The following CAMK1D variants were observed in gnomAD, a reference collection of about 807,000 sequenced individuals.
The protein encoded by CAMK1D is calcium/calmodulin dependent protein kinase ID.
In CAMK1D, 9 loss-of-function variants were observed where a neutral mutation model predicts 47.7. The observed-to-expected ratio is 0.19, with a 90% CI of 0.11 to 0.33. CAMK1D has a LOEUF of 0.33. Among genes scored for constraint, CAMK1D ranks in the 10% least tolerant of loss-of-function variants. The probability of loss-of-function intolerance (pLI) is 1.00; values close to 1 mark genes in which losing one functional copy is unlikely to be tolerated. For missense variants in CAMK1D, 291 were observed against 488.7 expected (o/e 0.60, Z 3.81); for synonymous variants, 184 against 184.9 (o/e 0.99, Z 0.04).
At position 12,553,088 on chromosome 10, in the gene CAMK1D, G is replaced by A. The variant is rs529025297; in HGVS notation, c.93-137G>A. The stretch of plus-strand genomic sequence containing the variant: ...ACAAAGATGTTTAGCAAGGAGCCAC[G>A]GTGGATAAAAGTAACAGTAATGCTT... On this transcript the variant is annotated intron_variant, in intron 1 of 10. Coordinates refer to ENST00000619168, the MANE Select transcript of CAMK1D (RefSeq NM_153498.4). The A allele has an allele frequency of 6.7e-5, 101 of 1,499,488 alleles. No individual in the cohort carries two copies. In the African/African-American group the frequency reaches 1.1e-3, roughly 16 times the overall value. The allele number at this position is 1,499,488 out of a possible 1,614,324, so 92.9% of individuals were successfully genotyped here.
Position 12,547,682 on chromosome 10 carries a change from T to TCTCTCTCTCACACACACACACACACA in CAMK1D, c.93-5542_93-5541insTCTCTCTCACACACACACACACACAC, listed in dbSNP as rs10643491. Among the ~76,000 whole-genome samples, 138 of 116,574 alleles carry TCTCTCTCTCACACACACACACACACA rather than the reference T, an allele frequency of 1.2e-3. 1 individual carries two copies. The highest frequency in any genetic ancestry group is 5.0e-3 in the African/African-American group (135 of 26,920). 76.5% of individuals were successfully genotyped at this position (116,574 alleles called of 152,430 possible). A position where few individuals can be genotyped will look rare whatever the true frequency, so the allele number is the denominator to read the frequency against. On this transcript the variant is annotated intron_variant, in intron 1 of 10. Transcript: ENST00000619168. ...CACTCTCTCTCTCTCTTTCTCTCTC[T>TCTCTCTCTCACACACACACACACACA]CACACACACACACACACACCACTGT...
At chr10:12,656,441 G>A (rs1840116996) in intron 2 of CAMK1D, among the ~76,000 whole-genome samples, 1 of 152,044 alleles carries the variant, frequency 6.6e-6, no homozygotes. Flanking sequence ...GCAGTGAACC[G>A]AAACCACACC....
At chr10:12,350,711 C>T (rs1350572616) in intron 1 of CAMK1D, among the ~76,000 whole-genome samples, 2 of 152,198 alleles carry the variant, frequency 1.3e-5, no homozygotes, top group Non-Finnish European at 2.9e-5. Flanking sequence ...GGAGTTGGGT[C>T]TTGTTTGTTT....
chr10:12,543,145 T>G (rs1413433592), intron 1 of CAMK1D, among the ~76,000 whole-genome samples: 3 of 152,200 alleles, frequency 2.0e-5, no homozygotes, highest in Non-Finnish European at 4.4e-5. Context: ...CTTCCTGGGT[T>G]CAAGTGATTC....
At chr10:12,714,779 C>CACACACACACAA (rs1834060089) in intron 3 of CAMK1D, among the ~76,000 whole-genome samples, 1 of 151,256 alleles carries the variant, frequency 6.6e-6, no homozygotes, top group East Asian at 1.9e-4. Context: ...CACACACACA[C>CACACACACACAA]ACACACACAC....
rs373483434 is a variant in CAMK1D, at chr10:12,365,208, A to T, written c.92+15298A>T. 4.6e-5 allele frequency among the ~76,000 whole-genome samples: 7 copies of T among 152,010 alleles called. 1 individual carries two copies. The East Asian group carries it at 1.4e-3, about 29-fold the overall frequency. On this transcript the variant is annotated intron_variant, in intron 1 of 10. Coordinates refer to ENST00000619168, the MANE Select transcript of CAMK1D (RefSeq NM_153498.4). ...TGACCTCAAATGATCCACCCACCTT[A>T]GCCTCCCAAAGTTCTGGGATTACAG...
chr10:12,436,334 C>T (rs1832633780), intron 1 of CAMK1D, among the ~76,000 whole-genome samples: 3 of 152,172 alleles, frequency 2.0e-5, no homozygotes, highest in African/African-American at 7.2e-5. Context: ...TCTTCACATT[C>T]ACTGGAAGCC....
chr10:12,770,406 C>A (rs1174382038), intron 5 of CAMK1D, among the ~76,000 whole-genome samples: 1 of 151,156 alleles, frequency 6.6e-6, no homozygotes, highest in East Asian at 1.9e-4. Flanking sequence ...TTTTGACTTC[C>A]GGGGTCCTGG....
intron 1 of CAMK1D, among the ~76,000 whole-genome samples, chr10:12,361,053 A>G (rs1417454487): frequency 6.6e-6 from 1 of 152,200 alleles, no homozygotes; most frequent in Non-Finnish European, 1.5e-5. Flanking sequence ...CAGACTTTGC[A>G]TATAAGTTGG....
chr10:12,814,907 A>C (rs1484316946), intron 7 of CAMK1D, among the ~76,000 whole-genome samples: 1 of 152,174 alleles, frequency 6.6e-6, no homozygotes, highest in East Asian at 1.9e-4. Context: ...GGACCCACTC[A>C]TCCACCTCTT....
At chr10:12,439,899 G>A (rs1394136545) in intron 1 of CAMK1D, among the ~76,000 whole-genome samples, 2 of 152,188 alleles carry the variant, frequency 1.3e-5, no homozygotes, top group Non-Finnish European at 2.9e-5. Flanking sequence ...TTACATGGCG[G>A]CAGGCAAGAG....
chr10:12,679,400 G>A (rs1259096634), intron 3 of CAMK1D, among the ~76,000 whole-genome samples: 1 of 152,100 alleles, frequency 6.6e-6, no homozygotes, highest in Admixed American at 6.6e-5. Context: ...GTAAGATGGG[G>A]CTAGTAAAAT....
intron 1 of CAMK1D, among the ~76,000 whole-genome samples, chr10:12,489,967 T>C (rs542112346): frequency 3.7e-4 from 57 of 152,282 alleles, no homozygotes; most frequent in African/African-American, 1.3e-3. Context: ...GTTCCCTGGC[T>C]TGAGGGAGCG....
intron 8 of CAMK1D, among the ~76,000 whole-genome samples, chr10:12,822,767 A>T (rs1035916997): frequency 6.6e-6 from 1 of 152,226 alleles, no homozygotes; most frequent in Non-Finnish European, 1.5e-5. Flanking sequence ...CTCCGGGGAA[A>T]AAAGCTTAAT....
intron 1 of CAMK1D, among the ~76,000 whole-genome samples, chr10:12,352,932 T>A (rs1164065146): frequency 6.6e-6 from 1 of 151,690 alleles, no homozygotes; most frequent in African/African-American, 2.4e-5. Flanking sequence ...AGAGACGGGG[T>A]TTCACCGTGT....
chr10:12,701,307 G>A (rs922901393), intron 3 of CAMK1D, among the ~76,000 whole-genome samples: 10 of 152,156 alleles, frequency 6.6e-5, no homozygotes, highest in Admixed American at 6.5e-4. Context: ...CTTATTTGTG[G>A]AATTTATAAA....
intron 3 of CAMK1D, among the ~76,000 whole-genome samples, chr10:12,755,994 C>G (rs950425918): frequency 9.8e-5 from 15 of 152,298 alleles, no homozygotes; most frequent in East Asian, 1.9e-4. Flanking sequence ...CGTAGGGCAG[C>G]CTTTGTGAAT....
intron 1 of CAMK1D, among the ~76,000 whole-genome samples, chr10:12,531,676 A>G (rs559287129): frequency 1.3e-5 from 2 of 152,354 alleles, no homozygotes; most frequent in African/African-American, 4.8e-5. Flanking sequence ...GCGTGCTCCA[A>G]TGAGAAGTAC....
intron 2 of CAMK1D, among the ~76,000 whole-genome samples, chr10:12,606,677 G>A (rs371824628): frequency 1.9e-4 from 29 of 152,286 alleles, no homozygotes; most frequent in African/African-American, 5.8e-4. Context: ...TCCCTGTGGC[G>A]TCTCGGGCAC....
Sources: gnomAD v4.1 joint callset for allele counts (sites outside exome capture counted in the v4.1 genomes callset) on GRCh38, gnomAD v4.1.1 for gene constraint, MANE v1.5 for transcripts, NCBI Gene and HGNC (gene_info 2026-07-23, HGNC 2026-07-21) for gene names.